CSMD1: variants seen among roughly 807,000 people sequenced by gnomAD.
CSMD1 encodes CUB and Sushi multiple domains 1.
CSMD1 carries 213 observed loss-of-function variants against 417.5 expected under a neutral mutation model. The observed-to-expected ratio is 0.51, with a 90% CI of 0.46 to 0.57. The LOEUF (loss-of-function observed/expected upper bound fraction) is 0.57. Among genes scored for constraint, CSMD1 ranks in the 20% least tolerant of loss-of-function variants. The pLI is 0.00. For synonymous variants in CSMD1, 2,862 were observed against 1,736.8 expected, an observed-to-expected ratio of 1.65 and a Z score of -16.11; for missense variants, 6,923 against 4,529.7, an observed-to-expected ratio of 1.53 and a Z score of -15.17.
chr8:3,671,023 G>GAT (rs143306623), intron 7 of CSMD1, among the ~76,000 whole-genome samples: 35,970 of 95,448 alleles, frequency 0.38, 8,350 homozygotes, highest in Admixed American at 0.47. Flanking sequence ...ATGTATATGG[G>GAT]ATATATGCAT....
chr8:3,465,382 C>G (rs1054614405), intron 12 of CSMD1, among the ~76,000 whole-genome samples: 1 of 152,136 alleles, frequency 6.6e-6, no homozygotes, highest in Non-Finnish European at 1.5e-5. Context: ...GGAGAAATCT[C>G]ACATATGCCC....
In CSMD1 at chr8:3,108,587, G is replaced by C. The variant is rs1255419654; in HGVS notation, c.6754+16C>G. On this transcript the variant is annotated intron_variant, in intron 44 of 69. Transcript: ENST00000635120. The stretch of plus-strand genomic sequence containing the variant: ...GGAATTCTCAGTCTTAACTAACGGA[G>C]TGAAAATCAACTGACCGTGGAAATT... The C allele has an allele frequency of 6.2e-7, 1 of 1,612,860 alleles. No homozygotes were observed. The highest frequency in any genetic ancestry group is 8.5e-7 in the Non-Finnish European group (1 of 1,179,340).
At chr8:3,612,230 A>T (rs1476433254) in intron 8 of CSMD1, among the ~76,000 whole-genome samples, 1 of 152,026 alleles carries the variant, frequency 6.6e-6, no homozygotes, top group Admixed American at 6.6e-5. Flanking sequence ...TCATAACAAA[A>T]GGTATTGAAG....
intron 3 of CSMD1, among the ~76,000 whole-genome samples, chr8:4,400,255 C>G (rs977093305): frequency 6.6e-6 from 1 of 152,164 alleles, no homozygotes; most frequent in African/African-American, 2.4e-5. Flanking sequence ...AGTTCTGGCT[C>G]TCTGGTTTAA....
chr8:3,926,782 C>G (rs578019825), intron 5 of CSMD1, among the ~76,000 whole-genome samples: 27 of 127,612 alleles, frequency 2.1e-4, no homozygotes, highest in African/African-American at 6.5e-4. Context: ...GTGTCGTGAT[C>G]TCAGCTCACT....
In CSMD1 at chr8:4,683,500, G is replaced by A. The variant is rs1481723609; in HGVS notation, c.86-45942C>T. ...ACAAGTAGAGTGGACAACAGGGGAG[G>A]CTATCCCATCTCTGTAAGGGATTGT... On this transcript the variant is annotated intron_variant, in intron 1 of 69. Coordinates refer to ENST00000635120, the MANE Select transcript of CSMD1 (RefSeq NM_033225.6). Among the ~76,000 whole-genome samples the A allele has an allele frequency of 2.6e-5, 4 of 152,258 alleles. No homozygotes were observed. The East Asian group carries it at 7.8e-4, about 30-fold the overall frequency.
intron 1 of CSMD1, among the ~76,000 whole-genome samples, chr8:4,938,648 A>C (rs1355031333): frequency 2.6e-5 from 4 of 152,154 alleles, no homozygotes; most frequent in Admixed American, 2.0e-4. Context: ...AGCTGTAATC[A>C]GTGCTTGAAC....
chr8:4,301,359 C>G (rs34251603), intron 3 of CSMD1, among the ~76,000 whole-genome samples: 21,142 of 152,194 alleles, frequency 0.14, 1,726 homozygotes, highest in Non-Finnish European at 0.18. Context: ...TTGACTGTAC[C>G]ACTTCCAGCC....
At chr8:4,877,065 A>G (rs942194407) in intron 1 of CSMD1, among the ~76,000 whole-genome samples, 2 of 152,124 alleles carry the variant, frequency 1.3e-5, no homozygotes, top group African/African-American at 4.8e-5. Flanking sequence ...TAATTTTAAC[A>G]GTTATTTCTT....
At chr8:4,345,247 G>C (rs1370184935) in intron 3 of CSMD1, among the ~76,000 whole-genome samples, 2 of 152,152 alleles carry the variant, frequency 1.3e-5, no homozygotes, top group Admixed American at 6.6e-5. Flanking sequence ...AGGTGAAATG[G>C]ACATGAAAAT....
At chr8:4,562,624 G>C (rs747519503) in intron 2 of CSMD1, among the ~76,000 whole-genome samples, 6 of 152,028 alleles carry the variant, frequency 3.9e-5, no homozygotes, top group Non-Finnish European at 8.8e-5. Flanking sequence ...CAGAAATTTA[G>C]GACACATCAG....
intron 6 of CSMD1, among the ~76,000 whole-genome samples, chr8:3,712,017 G>A (rs74385208): frequency 0.054 from 8,208 of 152,232 alleles, 267 homozygotes; most frequent in Middle Eastern, 0.085. Flanking sequence ...AATAAATTTC[G>A]TACTCTTGCA....
At chr8:4,333,242 G>A (rs933186528) in intron 3 of CSMD1, among the ~76,000 whole-genome samples, 13 of 152,024 alleles carry the variant, frequency 8.6e-5, no homozygotes, top group African/African-American at 3.1e-4. Context: ...TAGTGACCCT[G>A]GACACAATTC....
intron 5 of CSMD1, among the ~76,000 whole-genome samples, chr8:3,835,600 T>C (rs765977410): frequency 6.6e-6 from 1 of 151,882 alleles, no homozygotes; most frequent in Non-Finnish European, 1.5e-5. Context: ...TTAGGAGATA[T>C]GCCTAATGCT....
intron 2 of CSMD1, among the ~76,000 whole-genome samples, chr8:4,425,688 T>C (rs972063355): frequency 9.2e-5 from 14 of 152,226 alleles, no homozygotes; most frequent in South Asian, 6.2e-4. Flanking sequence ...TATAAGCAAC[T>C]GGCTTATTTT....
chr8:3,137,040 A>T (rs1031967833), intron 41 of CSMD1, among the ~76,000 whole-genome samples: 5 of 152,174 alleles, frequency 3.3e-5, no homozygotes, highest in African/African-American at 1.2e-4. Flanking sequence ...CTAAGTGATC[A>T]GATCTGGGTA....
At chr8:4,190,859 A>G (rs1382720631) in intron 3 of CSMD1, among the ~76,000 whole-genome samples, 3 of 152,044 alleles carry the variant, frequency 2.0e-5, no homozygotes, top group African/African-American at 7.3e-5. Flanking sequence ...CAGAAAACCA[A>G]ATACCACATG....
At chr8:4,257,876 C>A (rs1215115582) in intron 3 of CSMD1, among the ~76,000 whole-genome samples, 2 of 152,226 alleles carry the variant, frequency 1.3e-5, no homozygotes, top group African/African-American at 2.4e-5. Context: ...ACTGATTATT[C>A]TGTTGCCTCT....
intron 55 of CSMD1, among the ~76,000 whole-genome samples, chr8:2,976,645 G>A (rs1804956055): frequency 6.6e-6 from 1 of 152,162 alleles, no homozygotes. Flanking sequence ...CACGGCACCT[G>A]GCCTCCACTT....
Sources: gnomAD v4.1 joint callset for allele counts (sites outside exome capture counted in the v4.1 genomes callset) on GRCh38, gnomAD v4.1.1 for gene constraint, MANE v1.5 for transcripts, NCBI Gene and HGNC (gene_info 2026-07-23, HGNC 2026-07-21) for gene names.